The following CDH13 variants were observed in gnomAD, a reference collection of about 807,000 sequenced individuals.
CDH13 encodes the protein cadherin 13, also known as cadherin-13.
A neutral mutation model predicts 63.8 loss-of-function variants in CDH13; 24 were observed. That is an observed-to-expected ratio of 0.38 (90% CI 0.27 to 0.53). CDH13 has a LOEUF of 0.53. CDH13 is among the 20% of genes least tolerant of loss of function. The probability of loss-of-function intolerance (pLI) is 0.85; values close to 1 mark genes in which losing one functional copy is unlikely to be tolerated. For missense variants in CDH13, 1,049 were observed against 903.1 expected (o/e 1.16, Z -2.07); for synonymous variants, 503 against 355.3 (o/e 1.42, Z -4.67).
intron 3 of CDH13, among the ~76,000 whole-genome samples, chr16:83,086,353 TG>T (rs1417311823): frequency 3.9e-5 from 6 of 152,228 alleles, no homozygotes; most frequent in Non-Finnish European, 7.3e-5. Flanking sequence ...TGTGTGTTTT[TG>T]GGTAAGGTAC....
chr16:82,922,877 C>G (rs1225385403), intron 2 of CDH13, among the ~76,000 whole-genome samples: 1 of 152,050 alleles, frequency 6.6e-6, no homozygotes. Flanking sequence ...ACAGGCCTAC[C>G]TTGTTGATAT....
intron 4 of CDH13, among the ~76,000 whole-genome samples, chr16:83,160,876 T>C (rs74031413): frequency 0.075 from 11,360 of 152,212 alleles, 1,368 homozygotes; most frequent in African/African-American, 0.26. Context: ...CAAGTGTTTG[T>C]CTGGGATGTT....
chr16:83,059,626 A>G (rs149603244), intron 3 of CDH13, among the ~76,000 whole-genome samples: 7 of 152,212 alleles, frequency 4.6e-5, no homozygotes, highest in African/African-American at 1.7e-4. Flanking sequence ...AGGCTGTTGC[A>G]TGACAAGTCA....
chr16:83,059,604 C>G (rs927033547), intron 3 of CDH13, among the ~76,000 whole-genome samples: 1 of 152,082 alleles, frequency 6.6e-6, no homozygotes, highest in Non-Finnish European at 1.5e-5. Context: ...GGCCACCAAT[C>G]TGGGTAGAGC....
At chr16:83,187,982 G>A (rs906792777) in intron 4 of CDH13, among the ~76,000 whole-genome samples, 3 of 152,180 alleles carry the variant, frequency 2.0e-5, no homozygotes, top group African/African-American at 4.8e-5. Flanking sequence ...AAAGCTGGGG[G>A]CAGTAGTGTG....
chr16:83,474,963 C>A (rs569108030), intron 6 of CDH13, among the ~76,000 whole-genome samples: 3 of 152,224 alleles, frequency 2.0e-5, no homozygotes, highest in African/African-American at 7.2e-5. Flanking sequence ...TTGTTGCCTG[C>A]GCAGCTGAGT....
At chr16:82,968,827 A>C (rs750887885) in intron 2 of CDH13, among the ~76,000 whole-genome samples, 2 of 152,206 alleles carry the variant, frequency 1.3e-5, no homozygotes, top group Non-Finnish European at 2.9e-5. Context: ...ATCTGTGTTA[A>C]GTAATAATAA....
chr16:82,875,589 C>A (rs2040477573), intron 2 of CDH13, among the ~76,000 whole-genome samples: 1 of 152,064 alleles, frequency 6.6e-6, no homozygotes, highest in African/African-American at 2.4e-5. Context: ...TAATGTGTCA[C>A]AGTAACATAC....
chr16:83,300,283 C>T (rs1020094522), intron 5 of CDH13, among the ~76,000 whole-genome samples: 2 of 152,180 alleles, frequency 1.3e-5, no homozygotes, highest in Admixed American at 1.3e-4. Flanking sequence ...TAGATCATAA[C>T]ATTTCAACTT....
intron 13 of CDH13, among the ~76,000 whole-genome samples, chr16:83,786,946 G>A (rs114955783): frequency 0.011 from 1,689 of 152,258 alleles, 30 homozygotes; most frequent in African/African-American, 0.038. Context: ...AATTGCCTAT[G>A]TTTCTCTGCC....
At position 83,337,235 on chromosome 16, in the gene CDH13, C is replaced by T. The variant is rs570693713; in HGVS notation, c.637-7627C>T. ...TTCTACTGGATACCTGCTCACCCAA[C>T]CCCCCACAGTATGGAAAGAGAGTAG... On this transcript the variant is annotated intron_variant, in intron 5 of 13. Coordinates refer to ENST00000567109, the MANE Select transcript of CDH13 (RefSeq NM_001257.5). Among the ~76,000 whole-genome samples, 74 of 152,232 alleles carry T rather than the reference C, an allele frequency of 4.9e-4. 1 individual carries two copies. Among genetic ancestry groups the T allele is most frequent in the African/African-American group, 1.7e-3 (71 of 41,536 alleles).
intron 2 of CDH13, among the ~76,000 whole-genome samples, chr16:82,998,376 A>G (rs1467362582): frequency 6.6e-6 from 1 of 152,238 alleles, no homozygotes; most frequent in African/African-American, 2.4e-5. Context: ...TAAATAAGCA[A>G]GAGTATCACT....
At chr16:82,988,193 A>G (rs72792123) in intron 2 of CDH13, among the ~76,000 whole-genome samples, 1 of 152,158 alleles carries the variant, frequency 6.6e-6, no homozygotes, top group Non-Finnish European at 1.5e-5. Context: ...GCACATATGC[A>G]TGTAGTGTAT....
intron 1 of CDH13, among the ~76,000 whole-genome samples, chr16:82,675,915 G>C (rs529338467): frequency 6.6e-6 from 1 of 152,190 alleles, no homozygotes; most frequent in Non-Finnish European, 1.5e-5. Flanking sequence ...TGGGAGACCA[G>C]AGCAGCTGTA....
intron 1 of CDH13, among the ~76,000 whole-genome samples, chr16:82,759,198 T>C (rs1490075669): frequency 6.6e-6 from 1 of 152,212 alleles, no homozygotes; most frequent in Non-Finnish European, 1.5e-5. Context: ...GTGTCCCCAC[T>C]GGGAGTGAGC....
intron 6 of CDH13, among the ~76,000 whole-genome samples, chr16:83,387,076 C>G (rs907876513): frequency 6.6e-6 from 1 of 152,106 alleles, no homozygotes; most frequent in Non-Finnish European, 1.5e-5. Flanking sequence ...TTCATAGACT[C>G]TATTATAGAG....
chr16:83,768,682 G>C (rs1177498453), intron 11 of CDH13, among the ~76,000 whole-genome samples: 1 of 152,142 alleles, frequency 6.6e-6, no homozygotes, highest in East Asian at 1.9e-4. Context: ...AACAAAGGGT[G>C]AATTATTCAT....
chr16:83,533,606 AATT>A (rs1327995540), intron 7 of CDH13, among the ~76,000 whole-genome samples: 3 of 150,350 alleles, frequency 2.0e-5, no homozygotes, highest in Non-Finnish European at 4.4e-5. Context: ...ATTTAAGTAT[AATT>A]TACATTATCT....
intron 1 of CDH13, among the ~76,000 whole-genome samples, chr16:82,700,791 T>C (rs1884831443): frequency 6.6e-6 from 1 of 152,288 alleles, no homozygotes; most frequent in African/African-American, 2.4e-5. Context: ...AATTGTTTTC[T>C]GGTATGACTT....
Sources: allele counts gnomAD v4.1 joint callset (sites outside exome capture counted in the v4.1 genomes callset), GRCh38; gene constraint gnomAD v4.1.1; transcripts MANE v1.5; gene names NCBI Gene and HGNC (gene_info 2026-07-23, HGNC 2026-07-21).